JAKMIP1: variants seen among roughly 807,000 people sequenced by gnomAD.
JAKMIP1 encodes the protein janus kinase and microtubule interacting protein 1, also known as janus kinase and microtubule-interacting protein 1.
Under a neutral mutation model 113.0 loss-of-function variants are expected in JAKMIP1, and 33 were observed. That is an observed-to-expected ratio of 0.29 (90% CI 0.22 to 0.39). The LOEUF (loss-of-function observed/expected upper bound fraction) is 0.39. Ranked by LOEUF, JAKMIP1 falls within the 10% of genes least tolerant of loss-of-function variation. The pLI, the probability that JAKMIP1 is intolerant of heterozygous loss-of-function variation, is 1.00. For missense variants in JAKMIP1, 813 were observed against 1,080.5 expected, an observed-to-expected ratio of 0.75 and a Z score of 3.47; for synonymous variants, 480 against 459.9, an observed-to-expected ratio of 1.04 and a Z score of -0.56.
Position 6,060,475 on chromosome 4 carries a change from C to A in JAKMIP1, c.1593G>T (p.Arg531Ser). ...CCAAATCTTCGATTTTGGCCTGACA[C>A]CTCAGCAGATCAGCTTGTAGCTGCT... ...TREQLQADLLRCQAKIEDLEK... is the reference protein window; with the variant it reads ...TREQLQADLLSCQAKIEDLEK... The change falls in exon 11 of 21, where the codon AGG (arginine) becomes AGT (serine). Residue 531 changes from arginine (R) to serine (S), a missense_variant. Arg to Ser is a moderately radical substitution (Grantham distance 110). This residue lies in a region of JAKMIP1 where 273 missense variants were observed against 426.6 expected (regional missense o/e 0.64). Transcript: ENST00000409021. 1 of 1,614,180 alleles carries A rather than the reference C, an allele frequency of 6.2e-7. No homozygotes were observed. The highest frequency in any genetic ancestry group is 8.5e-7 in the Non-Finnish European group (1 of 1,180,024).
At chr4:6,029,360 G>A (rs930336700) in intron 20 of JAKMIP1, among the ~76,000 whole-genome samples, 1 of 152,232 alleles carries the variant, frequency 6.6e-6, no homozygotes, top group African/African-American at 2.4e-5. Flanking sequence ...GTCCATGGAG[G>A]AGAACCTGTG....
At chr4:6,084,232 G>A (rs1371476505) in intron 5 of JAKMIP1, among the ~76,000 whole-genome samples, 2 of 151,418 alleles carry the variant, frequency 1.3e-5, no homozygotes, top group African/African-American at 2.4e-5. Flanking sequence ...CAGGAGAATC[G>A]CTTGAACCCG....
chr4:6,133,777 C>T (rs1328850724), intron 1 of JAKMIP1, among the ~76,000 whole-genome samples: 2 of 152,188 alleles, frequency 1.3e-5, no homozygotes, highest in Non-Finnish European at 2.9e-5. Context: ...TCCCAGATTC[C>T]CTTGCAGGAG....
At chr4:6,057,282 CTG>C (rs940715430) in intron 11 of JAKMIP1, among the ~76,000 whole-genome samples, 1 of 152,216 alleles carries the variant, frequency 6.6e-6, no homozygotes. Context: ...CAGGGGGACT[CTG>C]TGAATCCCGG....
rs76361724 is a variant in JAKMIP1 at position 6,127,886 on chromosome 4, G to A, written c.-147-14889C>T. On this transcript the variant is annotated intron_variant, in intron 1 of 20. Coordinates refer to ENST00000409021, the MANE Select transcript of JAKMIP1 (RefSeq NM_001099433.2). ...TCTAACCTCTGCCCTTAGCTCCTCC[G>A]GGCACTCGGAAGCCCCCAAAATGCG... Among the ~76,000 whole-genome samples, 1,084 of 152,244 alleles carry A rather than the reference G, an allele frequency of 7.1e-3. 11 individuals carry two copies. Among genetic ancestry groups the A allele is most frequent in the African/African-American group, 0.025 (1,033 of 41,552 alleles).
rs1717305388 is a variant in JAKMIP1 at position 6,061,699 on chromosome 4, G to A, written c.1560+613C>T. Among the ~76,000 whole-genome samples the A allele has an allele frequency of 6.6e-6, 1 of 152,144 alleles. No individual in the cohort carries two copies. Among genetic ancestry groups the A allele is most frequent in the Non-Finnish European group, 1.5e-5 (1 of 68,022 alleles). On this transcript the variant is annotated intron_variant, in intron 10 of 20. Transcript: ENST00000409021. This position sits in a 1 kb window ranked among gnomAD's most constrained non-coding sequence, Gnocchi z 5.3. ...GCCAGTGTGGGGGTGAGATGGGGGAGGGGATGCAGGGAAGCACCCGTGTGT... is the reference window on the plus strand; with the variant it reads ...GCCAGTGTGGGGGTGAGATGGGGGAAGGGATGCAGGGAAGCACCCGTGTGT...
Position 6,162,127 on chromosome 4 carries a change from G to A in JAKMIP1, c.-148+38126C>T, listed in dbSNP as rs1210120477. ...GGGTAGATTATGGGCCAGACGGGGG[G>A]CCAAGAGGTCAGCAGGGCCTCAGGG... On this transcript the variant is annotated intron_variant, in intron 1 of 20. Transcript: ENST00000409021. The surrounding 1 kb of genome is among the most constrained non-coding windows in gnomAD (Gnocchi z 5.6). Among the ~76,000 whole-genome samples the A allele has an allele frequency of 1.3e-5, 2 of 150,328 alleles. No individual in the cohort carries two copies. Among genetic ancestry groups the A allele is most frequent in the East Asian group, 1.9e-4 (1 of 5,182 alleles).
At chr4:6,103,813 T>G (rs1713468914) in intron 3 of JAKMIP1, among the ~76,000 whole-genome samples, 2 of 152,204 alleles carry the variant, frequency 1.3e-5, no homozygotes, top group Non-Finnish European at 2.9e-5. Context: ...TTTTATTGAC[T>G]GTAGGAGCTG....
At position 6,184,287 on chromosome 4, in the gene JAKMIP1, T is replaced by C. The variant is rs929588651; in HGVS notation, c.-148+15966A>G. The stretch of plus-strand genomic sequence containing the variant: ...CAGCACATAGCAGACACTCCACAAA[T>C]GCCCTAGGGAAGGAAGAACCGCTCC... On this transcript the variant is annotated intron_variant, in intron 1 of 20. Coordinates refer to ENST00000409021, the MANE Select transcript of JAKMIP1 (RefSeq NM_001099433.2). The surrounding 1 kb of genome is among the most constrained non-coding windows in gnomAD (Gnocchi z 4.5). Among the ~76,000 whole-genome samples, 1 of 152,074 alleles carries C rather than the reference T, an allele frequency of 6.6e-6. No homozygotes were observed. Among genetic ancestry groups the C allele is most frequent in the Non-Finnish European group, 1.5e-5 (1 of 68,014 alleles).
intron 19 of JAKMIP1, among the ~76,000 whole-genome samples, chr4:6,035,068 T>C (rs1391980247): frequency 6.6e-6 from 1 of 152,188 alleles, no homozygotes; most frequent in Non-Finnish European, 1.5e-5. Flanking sequence ...TGCCGATCTT[T>C]ATCTACAGTT....
At chr4:6,028,328 G>T (rs1214413424) in intron 20 of JAKMIP1, among the ~76,000 whole-genome samples, 1 of 152,232 alleles carries the variant, frequency 6.6e-6, no homozygotes, top group African/African-American at 2.4e-5. Context: ...TCCCATGAGA[G>T]CAACAAGGGA....
rs1181786693 is a variant in JAKMIP1, at chr4:6,168,713, A to G, written c.-148+31540T>C. On this transcript the variant is annotated intron_variant, in intron 1 of 20. Coordinates refer to ENST00000409021, the MANE Select transcript of JAKMIP1 (RefSeq NM_001099433.2). The surrounding 1 kb of genome is among the most constrained non-coding windows in gnomAD (Gnocchi z 4.6). ...CAAGACCAGCTTGGACAGGATGGCA[A>G]ATCCATGTCTCTACAAAAAAAAAAC... Among the ~76,000 whole-genome samples, 1 of 151,834 alleles carries G rather than the reference A, an allele frequency of 6.6e-6. No individual in the cohort carries two copies. Among genetic ancestry groups the G allele is most frequent in the African/African-American group, 2.4e-5 (1 of 41,238 alleles).
rs1044716477 is a variant in JAKMIP1 at position 6,193,917 on chromosome 4, T to C, written c.-148+6336A>G. ...ACCCCAATGTCCATCCACAGATGAA[T>C]AGACCATTGTGTTGTATACGCACCA... On this transcript the variant is annotated intron_variant, in intron 1 of 20. Transcript: ENST00000409021. This position sits in a 1 kb window ranked among gnomAD's most constrained non-coding sequence, Gnocchi z 6.4. Among the ~76,000 whole-genome samples the C allele has an allele frequency of 6.6e-6, 1 of 152,262 alleles. No individual in the cohort carries two copies. Among genetic ancestry groups the C allele is most frequent in the African/African-American group, 2.4e-5 (1 of 41,550 alleles).
In JAKMIP1 at chr4:6,052,553, G is replaced by A. The variant is rs138035433; in HGVS notation, c.1806+1497C>T. ...CCCAGCTACTAGGGAGGTTGAGGCCGGAGAATCACTCACACTCGGGAGGCA... is the reference window on the plus strand; with the variant it reads ...CCCAGCTACTAGGGAGGTTGAGGCCAGAGAATCACTCACACTCGGGAGGCA... On this transcript the variant is annotated intron_variant, in intron 13 of 20. Transcript: ENST00000409021. 4.7e-3 allele frequency among the ~76,000 whole-genome samples: 704 copies of A among 151,092 alleles called. 6 individuals are homozygous for A. Among genetic ancestry groups the A allele is most frequent in the Middle Eastern group, 0.01 (3 of 294 alleles).
chr4:6,069,949 T>A lies in JAKMIP1; in HGVS notation c.1303-4941A>T. ...CTCTCAGCCACCTGTCTTCTCACCT[T>A]CCTATCATTTTCAACAGAGCCACCT... On this transcript the variant is annotated intron_variant, in intron 8 of 20. Coordinates refer to ENST00000409021, the MANE Select transcript of JAKMIP1 (RefSeq NM_001099433.2). This position sits in a 1 kb window ranked among gnomAD's most constrained non-coding sequence, Gnocchi z 4.5. 2.5e-6 allele frequency: 1 copy of A among 392,698 alleles called. No homozygotes were observed. The highest frequency in any genetic ancestry group is 4.5e-6 in the Non-Finnish European group (1 of 222,978). 24.3% of individuals were successfully genotyped at this position (392,698 alleles called of 1,614,324 possible).
At chr4:6,084,067 C>T (rs1016321334) in intron 5 of JAKMIP1, among the ~76,000 whole-genome samples, 1 of 152,074 alleles carries the variant, frequency 6.6e-6, no homozygotes, top group Non-Finnish European at 1.5e-5. Flanking sequence ...TGTGTAATCC[C>T]AGCACTTTGG....
In JAKMIP1 at chr4:6,064,312, C is replaced by T. The variant is rs1717737627; in HGVS notation, c.1431+568G>A. On this transcript the variant is annotated intron_variant, in intron 9 of 20. Coordinates refer to ENST00000409021, the MANE Select transcript of JAKMIP1 (RefSeq NM_001099433.2). This position sits in a 1 kb window ranked among gnomAD's most constrained non-coding sequence, Gnocchi z 4.3. Reference sequence around the variant, plus strand: ...AGAACGAAGCTGGTCTTTGCCCCCTCACGAATCCACCTTGCTCAAGAAGCT... The same window carrying T: ...AGAACGAAGCTGGTCTTTGCCCCCTTACGAATCCACCTTGCTCAAGAAGCT... Among the ~76,000 whole-genome samples, 1 of 152,214 alleles carries T rather than the reference C, an allele frequency of 6.6e-6. No individual in the cohort carries two copies. The highest frequency in any genetic ancestry group is 1.5e-5 in the Non-Finnish European group (1 of 68,042).
In JAKMIP1 at chr4:6,167,861, A is replaced by C. The variant is rs1723842114; in HGVS notation, c.-148+32392T>G. On this transcript the variant is annotated intron_variant, in intron 1 of 20. Coordinates refer to ENST00000409021, the MANE Select transcript of JAKMIP1 (RefSeq NM_001099433.2). This position sits in a 1 kb window ranked among gnomAD's most constrained non-coding sequence, Gnocchi z 5.3. ...TGCACTGAATGCTTCGGTTTAGAGCATGCCAGAAATCAGAGCTGGCTAGGA... is the reference window on the plus strand; with the variant it reads ...TGCACTGAATGCTTCGGTTTAGAGCCTGCCAGAAATCAGAGCTGGCTAGGA... Among the ~76,000 whole-genome samples the C allele has an allele frequency of 6.6e-6, 1 of 152,238 alleles. No individual in the cohort carries two copies. Among genetic ancestry groups the C allele is most frequent in the Non-Finnish European group, 1.5e-5 (1 of 68,046 alleles).
At chr4:6,107,424 A>G (rs1182478390) in intron 2 of JAKMIP1, among the ~76,000 whole-genome samples, 3 of 152,214 alleles carry the variant, frequency 2.0e-5, no homozygotes, top group African/African-American at 7.2e-5. Context: ...CACAATGCCC[A>G]GTCGTTTGGT....
Sources: gnomAD v4.1 joint callset for allele counts (sites outside exome capture counted in the v4.1 genomes callset) on GRCh38, gnomAD v4.1.1 for gene constraint, gnomAD v4.1.1 regional missense constraint, Gnocchi (gnomAD v3.1) non-coding constraint, MANE v1.5 for transcripts, NCBI Gene and HGNC (gene_info 2026-07-23, HGNC 2026-07-21) for gene names.